The following SMG1 variants were observed in gnomAD, a reference collection of about 807,000 sequenced individuals.
The protein encoded by SMG1 is serine/threonine-protein kinase SMG1.
In SMG1, 22 loss-of-function variants were observed where a neutral mutation model predicts 419.9. That is an observed-to-expected ratio of 0.05 (90% CI 0.04 to 0.07). The LOEUF (loss-of-function observed/expected upper bound fraction) is 0.07, where lower values mean the gene tolerates loss of function less well. Ranked by LOEUF, SMG1 falls within the 10% of genes least tolerant of loss-of-function variation. The pLI is 1.00. For missense variants in SMG1, 3,185 were observed against 4,342.0 expected (o/e 0.73, Z 7.49); for synonymous variants, 1,538 against 1,553.5 (o/e 0.99, Z 0.23).
chr16:18,862,576 C>T (rs2035270671), intron 25 of SMG1, among the ~76,000 whole-genome samples: 1 of 152,188 alleles, frequency 6.6e-6, no homozygotes, highest in Admixed American at 6.5e-5. Flanking sequence ...TGCTCCTACT[C>T]CAGTTAATAG....
At chr16:18,854,933 C>T in intron 29 of SMG1, 29 bp from the exon 30 acceptor site, 2 of 1,599,400 alleles carry the variant, frequency 1.3e-6, no homozygotes, top group Non-Finnish European at 1.7e-6. Flanking sequence ...TTTATTAGTT[C>T]CTAATTTGTC....
intron 10 of SMG1, among the ~76,000 whole-genome samples, chr16:18,880,449 A>G (rs1311247086): frequency 6.6e-6 from 1 of 152,182 alleles, no homozygotes; most frequent in Admixed American, 6.5e-5. Flanking sequence ...ACAGTGACTC[A>G]TATCTATCAT....
Position 18,925,955 on chromosome 16 carries a change from T to G in SMG1, c.87A>C (p.Gln29His), listed in dbSNP as rs776429521. The change falls in exon 1 of 63, where the codon CAA becomes CAC. Residue 29 changes from glutamine (Q) to histidine (H), a missense_variant. This residue lies in a region of SMG1 where 88 missense variants were observed against 85.9 expected (regional missense o/e 1.02). Transcript: ENST00000446231. ...TKYPRSWNDWQPRTDSASADP... is the reference protein window; with the variant it reads ...TKYPRSWNDWHPRTDSASADP... Reference sequence around the variant, plus strand: ...GTCCCGGGCCGGTCACCCACCTGGGTTGCCAGTCATTCCAGCTCCGCGGAT... The same window carrying G: ...GTCCCGGGCCGGTCACCCACCTGGGGTGCCAGTCATTCCAGCTCCGCGGAT... 39 of 1,560,664 alleles carry G rather than the reference T, an allele frequency of 2.5e-5. 1 individual carries two copies. The Admixed American group carries it at 7.2e-4, about 29-fold the overall frequency.
chr16:18,819,429 C>T (rs1380776052), intron 56 of SMG1, 73 bp downstream of exon 56: 1 of 1,517,612 alleles, frequency 6.6e-7, no homozygotes, highest in Non-Finnish European at 9.0e-7. Flanking sequence ...CTAGTTACCC[C>T]ACATATAACT....
intron 55 of SMG1, among the ~76,000 whole-genome samples, chr16:18,827,126 G>A (rs1212735198): frequency 2.0e-5 from 3 of 151,940 alleles, no homozygotes; most frequent in Admixed American, 6.6e-5. Flanking sequence ...ACCTTGGAGG[G>A]TAAGAAATAA....
In SMG1 at chr16:18,868,648, T is replaced by G. The variant is rs2035647600; in HGVS notation, c.2905A>C (p.Asn969His). 3.2e-6 allele frequency: 5 copies of G among 1,573,258 alleles called. No individual in the cohort carries two copies. The East Asian group carries it at 1.1e-4, about 35-fold the overall frequency. Residue 969 changes from asparagine to histidine, a missense_variant, in exon 21 of 63, where the codon AAT becomes CAT. Asn to His is a moderately conservative substitution (Grantham distance 68). Transcript: ENST00000446231. ...QDVSQWTTAD[N>H]DEGHGNNQLR... ...TGGTTGTTACCATGGCCTTCATCATTGTCTGCAGTTGTCCACTGACTAACA... is the reference window on the plus strand; with the variant it reads ...TGGTTGTTACCATGGCCTTCATCATGGTCTGCAGTTGTCCACTGACTAACA...
intron 50 of SMG1, among the ~76,000 whole-genome samples, chr16:18,833,782 C>T (rs1056633915): frequency 6.6e-6 from 1 of 152,218 alleles, no homozygotes; most frequent in African/African-American, 2.4e-5. Flanking sequence ...CAAGTAAACA[C>T]TGATCTGCTT....
rs151249248 is a variant in SMG1, at chr16:18,808,698, T to C, written c.*871A>G. On this transcript the variant is annotated 3_prime_UTR_variant, in exon 63 of 63. Transcript: ENST00000446231. Reference sequence around the variant, plus strand: ...TGCACAGTGACAATTCTGGAAACTGTACATGATAGAATCACAGAAATGACT... The same window carrying C: ...TGCACAGTGACAATTCTGGAAACTGCACATGATAGAATCACAGAAATGACT... The C allele has an allele frequency of 7.2e-5, 11 of 152,764 alleles. No homozygotes were observed. Among genetic ancestry groups the C allele is most frequent in the Non-Finnish European group, 1.2e-4 (8 of 68,028 alleles). The allele number at this position is 152,764 out of a possible 1,614,324, so 9.5% of individuals were successfully genotyped here.
intron 15 of SMG1, 89 bp downstream of exon 15, chr16:18,872,095 A>T: frequency 1.3e-6 from 1 of 795,514 alleles, no homozygotes; most frequent in Non-Finnish European, 1.9e-6. Context: ...CATTTTTAAA[A>T]ATTTTTTGTA....
chr16:18,889,246 C>A (rs62047577), intron 6 of SMG1, 126 bp downstream of exon 6: 86,509 of 513,080 alleles, frequency 0.17, 7,670 homozygotes, highest in African/African-American at 0.23. Context: ...ATTTTTAAAA[C>A]ATATTTCCTA....
chr16:18,845,798 A>G (rs2034227130), intron 38 of SMG1, 147 bp from the exon 39 acceptor site: 3 of 661,244 alleles, frequency 4.5e-6, no homozygotes, highest in Non-Finnish European at 7.5e-6. Flanking sequence ...CACAAAGTAA[A>G]TTACTAACAA....
At position 18,847,867 on chromosome 16, in the gene SMG1, G is replaced by A. The variant is rs1467471514; in HGVS notation, c.5790C>T (p.Tyr1930=). 1 of 1,614,054 alleles carries A rather than the reference G, an allele frequency of 6.2e-7. No homozygotes were observed. Among genetic ancestry groups the A allele is most frequent in the African/African-American group, 1.3e-5 (1 of 75,062 alleles). The part of the protein sequence containing the change: ...NEDQAMMQDC[Y]SKIVDKLSSA... ...AGGACAGCTTATCTACAATTTTGCTGTAACAATCCTGCATCATGGCTTGGT... is the reference window on the plus strand; with the variant it reads ...AGGACAGCTTATCTACAATTTTGCTATAACAATCCTGCATCATGGCTTGGT... The change falls in exon 37 of 63, where the codon TAC becomes TAT. Residue 1930 remains tyrosine, a synonymous_variant. Coordinates refer to ENST00000446231, the MANE Select transcript of SMG1 (RefSeq NM_015092.5).
At chr16:18,853,431 T>C (rs1011272819) in intron 31 of SMG1, among the ~76,000 whole-genome samples, 152 bp downstream of exon 31, 2 of 152,238 alleles carry the variant, frequency 1.3e-5, no homozygotes, top group East Asian at 3.8e-4. Context: ...ATCCTAAATA[T>C]GTTTTAGTTA....
At chr16:18,851,052 G>A (rs1359115320) in intron 33 of SMG1, among the ~76,000 whole-genome samples, 1 of 152,152 alleles carries the variant, frequency 6.6e-6, no homozygotes, top group Non-Finnish European at 1.5e-5. Flanking sequence ...ACCGCACCCA[G>A]CCTATGCCTG....
At chr16:18,827,326 T>G (rs190891546) in intron 55 of SMG1, among the ~76,000 whole-genome samples, 1 of 151,698 alleles carries the variant, frequency 6.6e-6, no homozygotes, top group Non-Finnish European at 1.5e-5. Flanking sequence ...CTTCAGAGGC[T>G]GAGGCAGGAG....
intron 11 of SMG1, chr16:18,877,829 G>A (rs1205468358): frequency 2.6e-5 from 4 of 152,102 alleles, no homozygotes; most frequent in East Asian, 1.9e-4. Flanking sequence ...TAGGACACAC[G>A]TATTTTACAG....
intron 1 of SMG1, among the ~76,000 whole-genome samples, chr16:18,916,533 A>T (rs1227073035): frequency 1.3e-5 from 2 of 151,016 alleles, no homozygotes; most frequent in Admixed American, 1.3e-4. Context: ...AAAAAAAAAA[A>T]AAAGAATAAC....
intron 3 of SMG1, among the ~76,000 whole-genome samples, chr16:18,894,151 G>A (rs750928329): frequency 3.3e-5 from 5 of 151,996 alleles, no homozygotes; most frequent in African/African-American, 4.8e-5. Flanking sequence ...GGAGAAGGGA[G>A]AGGATCAAGA....
chr16:18,890,455 T>C (rs954735979), intron 5 of SMG1, among the ~76,000 whole-genome samples: 2 of 152,080 alleles, frequency 1.3e-5, no homozygotes, highest in Non-Finnish European at 2.9e-5. Flanking sequence ...CTGGCCAACA[T>C]GGTGAAACTG....
Sources: allele counts gnomAD v4.1 joint callset (sites outside exome capture counted in the v4.1 genomes callset), GRCh38; gene constraint gnomAD v4.1.1; regional missense constraint gnomAD v4.1.1; transcripts MANE v1.5; gene names NCBI Gene and HGNC (gene_info 2026-07-23, HGNC 2026-07-21).